The following TMEM175 variants were observed in gnomAD, a reference collection of about 807,000 sequenced individuals.
TMEM175 encodes transmembrane protein 175, also known as endosomal/lysosomal proton channel TMEM175.
TMEM175 carries 36 observed loss-of-function variants against 36.5 expected under a neutral mutation model. The observed-to-expected ratio is 0.99, with a 90% CI of 0.76 to 1.30. The LOEUF (loss-of-function observed/expected upper bound fraction) is 1.30. TMEM175 is among the 50% of genes most tolerant of loss of function. The probability of loss-of-function intolerance (pLI) is 0.00; values close to 1 mark genes in which losing one functional copy is unlikely to be tolerated. For missense variants in TMEM175, 705 were observed against 692.8 expected, an observed-to-expected ratio of 1.02 and a Z score of -0.20; for synonymous variants, 339 against 313.4, an observed-to-expected ratio of 1.08 and a Z score of -0.86.
In TMEM175 at chr4:951,672, C is replaced by T; in HGVS notation, c.343-10C>T. The T allele has an allele frequency of 1.2e-6, 2 of 1,614,138 alleles. No homozygotes were observed. Among genetic ancestry groups the T allele is most frequent in the South Asian group, 1.1e-5 (1 of 91,086 alleles). On this transcript the variant is annotated splice_polypyrimidine_tract_variant and intron_variant, in intron 5 of 10. Transcript: ENST00000264771. ...CCGCATCATGGCTGTGATGCCCTCC[C>T]TCCCTCCAGGCCTGCATGATGACCA...
At chr4:953,089 C>A in intron 7 of TMEM175, 101 bp from the exon 8 acceptor site, 1 of 1,304,310 alleles carries the variant, frequency 7.7e-7, no homozygotes, top group Non-Finnish European at 1.0e-6. Flanking sequence ...CTCCCCACCT[C>A]GAGACCCTTG....
Position 951,267 on chromosome 4 carries a change from T to A in TMEM175, c.342+9T>A. On this transcript the variant is annotated intron_variant, in intron 5 of 10. Coordinates refer to ENST00000264771, the MANE Select transcript of TMEM175 (RefSeq NM_032326.4). ...TTGCCCTGCTCAACCTGGTGAGTAT[T>A]TTCCGGTCCTTTTCTGGGGAGTGAC... The A allele has an allele frequency of 6.2e-7, 1 of 1,614,072 alleles. No homozygotes were observed. Among genetic ancestry groups the A allele is most frequent in the Non-Finnish European group, 8.5e-7 (1 of 1,179,970 alleles).
rs370798864 is a variant in TMEM175 at position 944,506 on chromosome 4, G to T, written c.-31-3203G>T. 1.4e-4 allele frequency among the ~76,000 whole-genome samples: 22 copies of T among 152,006 alleles called. 1 individual carries two copies. Among genetic ancestry groups the T allele is most frequent in the African/African-American group, 4.6e-4 (19 of 41,456 alleles). On this transcript the variant is annotated intron_variant, in intron 1 of 10. Coordinates refer to ENST00000264771, the MANE Select transcript of TMEM175 (RefSeq NM_032326.4). ...AGCAAAAGCCCCCCACCTGCTCCCC[G>T]CCCCTCCCTGCCTGGGTTGCTGCAG...
intron 4 of TMEM175, 83 bp from the exon 5 acceptor site, chr4:951,124 C>A: frequency 1.6e-6 from 2 of 1,285,682 alleles, no homozygotes; most frequent in Non-Finnish European, 1.1e-6. Context: ...ATGTTTTAAC[C>A]AGAAGATGCT....
At position 950,504 on chromosome 4, in the gene TMEM175, G is replaced by A. The variant is rs1355199327; in HGVS notation, c.276G>A (p.Trp92Ter). 1 of 1,613,976 alleles carries A rather than the reference G, an allele frequency of 6.2e-7. No individual in the cohort carries two copies. ...CCTTTCTCATCGTGACAGTGGCCTG[G>A]GCAGCACACACAAGGTGGGGGCCCG... Reference protein sequence around the residue: ...LMTFLIVTVAWAAHTRLFQVV... With the variant: ...LMTFLIVTVA Residue 92 changes from tryptophan to a stop codon, truncating the protein, a stop_gained, in exon 4 of 11, where the codon TGG becomes TGA. Coordinates refer to ENST00000264771, the MANE Select transcript of TMEM175 (RefSeq NM_032326.4). LOFTEE classifies it high-confidence loss of function.
At chr4:944,755 A>G (rs1727921650) in intron 1 of TMEM175, among the ~76,000 whole-genome samples, 1 of 152,152 alleles carries the variant, frequency 6.6e-6, no homozygotes, top group Non-Finnish European at 1.5e-5. Flanking sequence ...AGTTTACTTC[A>G]TGGTTTAATG....
chr4:944,220 G>A lies in TMEM175; in HGVS notation c.-31-3489G>A, dbSNP rs536784919. On this transcript the variant is annotated intron_variant, in intron 1 of 10. Transcript: ENST00000264771. ...AGGCACAAGAATCGCTTGAACCCAG[G>A]AGGCGGAGGTTGCAGTGAGCTGCGA... 7.7e-4 allele frequency among the ~76,000 whole-genome samples: 117 copies of A among 152,338 alleles called. 1 individual carries two copies. Among genetic ancestry groups the A allele is most frequent in the African/African-American group, 2.6e-3 (109 of 41,584 alleles).
At chr4:940,027 GCAA>G (rs1331604760) in intron 1 of TMEM175, among the ~76,000 whole-genome samples, 4 of 152,152 alleles carry the variant, frequency 2.6e-5, no homozygotes, top group African/African-American at 9.7e-5. Flanking sequence ...AAGCTATCAA[GCAA>G]CAACAAGACT....
At chr4:945,286 C>T (rs1727996323) in intron 1 of TMEM175, among the ~76,000 whole-genome samples, 1 of 147,558 alleles carries the variant, frequency 6.8e-6, no homozygotes, top group South Asian at 2.1e-4. Flanking sequence ...GTTTCTGTTT[C>T]CCCAGGCCCC....
chr4:947,975 C>G (rs1252446300), intron 2 of TMEM175, 83 bp downstream of exon 2: 1 of 1,610,394 alleles, frequency 6.2e-7, no homozygotes, highest in East Asian at 2.2e-5. Context: ...CTGTCTAGGT[C>G]TTGCCAGCAT....
At chr4:940,803 C>T (rs1377486912) in intron 1 of TMEM175, among the ~76,000 whole-genome samples, 4 of 151,560 alleles carry the variant, frequency 2.6e-5, no homozygotes, top group South Asian at 2.1e-4. Flanking sequence ...GTCAGGAGTT[C>T]GAGATCAGCC....
intron 1 of TMEM175, among the ~76,000 whole-genome samples, chr4:944,014 T>C (rs1396738949): frequency 6.6e-6 from 1 of 152,166 alleles, no homozygotes; most frequent in Non-Finnish European, 1.5e-5. Flanking sequence ...CAAAATTGGC[T>C]GGGTGCAGTG....
intron 9 of TMEM175, 89 bp downstream of exon 9, chr4:955,572 C>T (rs551323698): frequency 1.1e-5 from 17 of 1,484,356 alleles, no homozygotes; most frequent in Admixed American, 1.8e-5. Flanking sequence ...GTCCGTGGGC[C>T]GAGGCCCGTG....
intron 1 of TMEM175, among the ~76,000 whole-genome samples, chr4:946,749 G>A (rs572719254): frequency 6.6e-5 from 10 of 152,326 alleles, no homozygotes; most frequent in African/African-American, 2.2e-4. Context: ...TCCCACAGGC[G>A]GACTGGAGTG....
chr4:950,643 G>A (rs918976480), intron 4 of TMEM175, 125 bp downstream of exon 4: 33 of 721,460 alleles, frequency 4.6e-5, no homozygotes, highest in African/African-American at 2.0e-4. Context: ...CCTCATCCGC[G>A]TGGGGATGGC....
At position 958,247 on chromosome 4, in the gene TMEM175, G is replaced by A; in HGVS notation, c.1266G>A (p.Lys422=). ...GGREHVLMFA[K]LALYPCASLL... Reference sequence around the variant, plus strand: ...GGGAGCATGTGCTCATGTTCGCCAAGCTGGCGCTGTACCCCTGTGCCAGCC... The same window carrying A: ...GGGAGCATGTGCTCATGTTCGCCAAACTGGCGCTGTACCCCTGTGCCAGCC... Residue 422 remains lysine (K), a synonymous_variant, in exon 11 of 11, where the codon AAG becomes AAA. Transcript: ENST00000264771. 1 of 1,605,170 alleles carries A rather than the reference G, an allele frequency of 6.2e-7. No homozygotes were observed. The highest frequency in any genetic ancestry group is 8.5e-7 in the Non-Finnish European group (1 of 1,178,350).
At chr4:953,144 C>A in intron 7 of TMEM175, 46 bp from the exon 8 acceptor site, 1 of 1,544,452 alleles carries the variant, frequency 6.5e-7, no homozygotes, top group Non-Finnish European at 8.8e-7. Flanking sequence ...TGTGGGGGCC[C>A]CCTCTGCTCT....
intron 1 of TMEM175, among the ~76,000 whole-genome samples, chr4:942,409 A>G (rs1050896147): frequency 5.3e-5 from 8 of 152,140 alleles, no homozygotes; most frequent in Admixed American, 1.3e-4. Context: ...TCCCAACACC[A>G]TTTGTGAAAA....
In TMEM175 at chr4:957,888, C is replaced by A. The variant is rs566394458; in HGVS notation, c.907C>A (p.Leu303Met). Residue 303 changes from leucine (L) to methionine (M), a missense_variant, in exon 11 of 11, where the codon CTG becomes ATG. Leu to Met is a conservative substitution (Grantham distance 15). Coordinates refer to ENST00000264771, the MANE Select transcript of TMEM175 (RefSeq NM_032326.4). ...GTTCAGCGGCAGCCTCGTGGCCGCC[C>A]TGAGTGCGACCGGGCCGCGCTTCCT... ...ERFSGSLVAA[L>M]SATGPRFLAY... The A allele has an allele frequency of 1.1e-5, 17 of 1,612,710 alleles. No homozygotes were observed. Among genetic ancestry groups the A allele is most frequent in the Non-Finnish European group, 1.4e-5 (17 of 1,179,888 alleles).
Sources: allele counts gnomAD v4.1 joint callset (sites outside exome capture counted in the v4.1 genomes callset), GRCh38; gene constraint gnomAD v4.1.1; transcripts MANE v1.5; gene names NCBI Gene and HGNC (gene_info 2026-07-23, HGNC 2026-07-21).